Variants in CPXM2 observed in about 807,000 individuals in gnomAD.
CPXM2 encodes the protein inactive carboxypeptidase-like protein X2.
A neutral mutation model predicts 86.1 loss-of-function variants in CPXM2; 66 were observed. That is an observed-to-expected ratio of 0.77 (90% CI 0.63 to 0.94). CPXM2 has a LOEUF of 0.94. Ranked by LOEUF, CPXM2 falls within the 40% of genes least tolerant of loss-of-function variation. CPXM2 has a pLI of 0.00. For missense variants in CPXM2, 948 were observed against 1,026.3 expected (o/e 0.92, Z 1.04); for synonymous variants, 388 against 400.2 (o/e 0.97, Z 0.36).
At chr10:123,911,394 C>G (rs1164407161) in intron 2 of CPXM2, among the ~76,000 whole-genome samples, 1 of 152,092 alleles carries the variant, frequency 6.6e-6, no homozygotes, top group Non-Finnish European at 1.5e-5. Context: ...AGGGCAGCCC[C>G]AAGGGGGCTC....
rs533864922 is a variant in CPXM2 at position 123,761,371 on chromosome 10, C to T, written c.1777+501G>A. Among the ~76,000 whole-genome samples, 30 of 152,274 alleles carry T rather than the reference C, an allele frequency of 2.0e-4. 1 individual carries two copies. The South Asian group carries it at 5.0e-3, about 25-fold the overall frequency. On this transcript the variant is annotated intron_variant, in intron 11 of 13. Coordinates refer to ENST00000241305, the MANE Select transcript of CPXM2 (RefSeq NM_198148.3). Reference sequence around the variant, plus strand: ...TGAGCTTGGGATGGATGCCTGGCCCCCTCTGTGGGTTTACACACAGGACAT... The same window carrying T: ...TGAGCTTGGGATGGATGCCTGGCCCTCTCTGTGGGTTTACACACAGGACAT...
At chr10:123,752,625 C>A in intron 13 of CPXM2, 5 of 985,192 alleles carry the variant, frequency 5.1e-6, no homozygotes, top group Non-Finnish European at 4.8e-6. Flanking sequence ...GTTGGCACGA[C>A]AGGATCATGG....
chr10:123,887,544 C>T (rs951967729), intron 1 of CPXM2, among the ~76,000 whole-genome samples: 3 of 152,164 alleles, frequency 2.0e-5, no homozygotes, highest in Admixed American at 6.5e-5. Flanking sequence ...CAGTGACTCC[C>T]ATCCCCCTGG....
At chr10:123,750,188 C>T (rs1199911825) in intron 13 of CPXM2, 1 of 985,168 alleles carries the variant, frequency 1.0e-6, no homozygotes, top group African/African-American at 1.7e-5. Context: ...CCTTGTGGCC[C>T]TGTCAGATAA....
intron 4 of CPXM2, among the ~76,000 whole-genome samples, chr10:123,839,799 G>T (rs1848349599): frequency 6.6e-6 from 1 of 152,172 alleles, no homozygotes; most frequent in Admixed American, 6.5e-5. Flanking sequence ...AGTCCTCGTT[G>T]GAGACAGTAC....
intron 9 of CPXM2, 95 bp from the exon 10 acceptor site, chr10:123,767,247 G>T: frequency 1.7e-6 from 2 of 1,173,112 alleles, no homozygotes; most frequent in Non-Finnish European, 2.5e-6. Flanking sequence ...TCCCCTTGGG[G>T]AATGTCTCTA....
intron 6 of CPXM2, among the ~76,000 whole-genome samples, chr10:123,786,404 C>T (rs1564768483): frequency 6.6e-6 from 1 of 152,204 alleles, no homozygotes; most frequent in Non-Finnish European, 1.5e-5. Flanking sequence ...GCCCTGCTTC[C>T]AGCTGCCTTC....
At chr10:123,802,956 A>C (rs1312197402) in intron 4 of CPXM2, among the ~76,000 whole-genome samples, 1 of 151,870 alleles carries the variant, frequency 6.6e-6, no homozygotes, top group Admixed American at 6.6e-5. Flanking sequence ...CCATCTTTTG[A>C]GAAGTGCCTA....
At chr10:123,747,403 G>T (rs559191633) in intron 13 of CPXM2, among the ~76,000 whole-genome samples, 1 of 152,328 alleles carries the variant, frequency 6.6e-6, no homozygotes, top group Admixed American at 6.5e-5. Context: ...GGCTTCCTTA[G>T]CATGGCTGCA....
intron 2 of CPXM2, among the ~76,000 whole-genome samples, chr10:123,905,109 G>A (rs1198309300): frequency 6.6e-6 from 1 of 152,182 alleles, no homozygotes; most frequent in Non-Finnish European, 1.5e-5. Context: ...CCTGAGTGAG[G>A]CTATTTCTGC....
intron 7 of CPXM2, among the ~76,000 whole-genome samples, chr10:123,772,825 G>A (rs1184571474): frequency 1.3e-5 from 2 of 151,188 alleles, no homozygotes; most frequent in African/African-American, 4.9e-5. Flanking sequence ...TTCCCTGGTT[G>A]TGGTTATCAC....
Position 123,754,601 on chromosome 10 carries a change from T to G in CPXM2, c.2017+62A>C, listed in dbSNP as rs1460810445. 10 of 896,286 alleles carry G rather than the reference T, an allele frequency of 1.1e-5. No homozygotes were observed. The Admixed American group carries it at 1.7e-4, about 16-fold the overall frequency. 55.5% of individuals were successfully genotyped at this position (896,286 alleles called of 1,614,324 possible). ...AGTCATTTCATGATTGTAACCCAAG[T>G]AAAATGCCTAAAAAAATGGGTATTT... On this transcript the variant is annotated intron_variant, in intron 13 of 13. Coordinates refer to ENST00000241305, the MANE Select transcript of CPXM2 (RefSeq NM_198148.3). The surrounding 1 kb of genome is among the most constrained non-coding windows in gnomAD (Gnocchi z 4.0).
intron 1 of CPXM2, among the ~76,000 whole-genome samples, chr10:123,888,758 C>T (rs1945219299): frequency 6.6e-6 from 1 of 152,208 alleles, no homozygotes; most frequent in South Asian, 2.1e-4. Context: ...TCACACTTGT[C>T]TTGTCATGGT....
intron 2 of CPXM2, among the ~76,000 whole-genome samples, chr10:123,868,590 A>T (rs1180620958): frequency 6.6e-6 from 1 of 152,138 alleles, no homozygotes; most frequent in Non-Finnish European, 1.5e-5. Flanking sequence ...AAGGAAAAGA[A>T]ATTGGGATCT....
chr10:123,852,685 T>C (rs1014501806), intron 3 of CPXM2, among the ~76,000 whole-genome samples: 11 of 152,194 alleles, frequency 7.2e-5, no homozygotes, highest in Non-Finnish European at 1.3e-4. Flanking sequence ...TCTCCCCTGA[T>C]GCTCACTCCA....
chr10:123,767,268 T>A, intron 9 of CPXM2, 116 bp from the exon 10 acceptor site: 1 of 909,676 alleles, frequency 1.1e-6, no homozygotes, highest in South Asian at 1.7e-5. Flanking sequence ...AGCCTCTAGA[T>A]GCCCTTTGAC....
chr10:123,771,375 C>T lies in CPXM2; in HGVS notation c.979-336G>A, dbSNP rs555367642. Among the ~76,000 whole-genome samples, 7 of 152,220 alleles carry T rather than the reference C, an allele frequency of 4.6e-5. No individual in the cohort carries two copies. In the South Asian group the frequency reaches 1.5e-3, roughly 32 times the overall value. On this transcript the variant is annotated intron_variant, in intron 7 of 13. Coordinates refer to ENST00000241305, the MANE Select transcript of CPXM2 (RefSeq NM_198148.3). ...TCCAAATGTTATGTCTCTCAAAATC[C>T]ATAGGCTGAAACCTAATGCCCAATG...
chr10:123,900,623 A>G (rs992232554), intron 2 of CPXM2, among the ~76,000 whole-genome samples: 2 of 152,232 alleles, frequency 1.3e-5, no homozygotes, highest in African/African-American at 4.8e-5. Flanking sequence ...GAGGATTCAG[A>G]TGGGTACCAC....
upstream of CPXM2, among the ~76,000 whole-genome samples, chr10:123,940,842 C>T (rs958511536): frequency 2.0e-5 from 3 of 152,188 alleles, no homozygotes; most frequent in Non-Finnish European, 4.4e-5. Context: ...TTGCCTAGTG[C>T]TGCCGTCCAA....
Sources: allele counts gnomAD v4.1 joint callset (sites outside exome capture counted in the v4.1 genomes callset), GRCh38; gene constraint gnomAD v4.1.1; non-coding constraint Gnocchi (gnomAD v3.1); transcripts MANE v1.5; gene names NCBI Gene and HGNC (gene_info 2026-07-23, HGNC 2026-07-21).